The following CYYR1 variants were observed in gnomAD, a reference collection of about 807,000 sequenced individuals.
CYYR1 encodes the protein cysteine and tyrosine rich 1, also known as cysteine and tyrosine-rich protein 1.
A neutral mutation model predicts 15.2 loss-of-function variants in CYYR1; 14 were observed. That is an observed-to-expected ratio of 0.92 (90% CI 0.61 to 1.44). CYYR1 has a LOEUF of 1.44. Among genes scored for constraint, CYYR1 ranks in the 40% most tolerant of loss-of-function variants. The probability of loss-of-function intolerance (pLI) is 0.00; values close to 1 mark genes in which losing one functional copy is unlikely to be tolerated. For missense variants in CYYR1, 228 were observed against 209.5 expected (o/e 1.09, Z -0.54); for synonymous variants, 80 against 77.4 (o/e 1.03, Z -0.18).
intron 2 of CYYR1, among the ~76,000 whole-genome samples, chr21:26,515,117 A>G (rs1170650494): frequency 6.6e-6 from 1 of 152,216 alleles, no homozygotes; most frequent in Non-Finnish European, 1.5e-5. Context: ...TCTGTGTCCT[A>G]TGTGCCAACA....
At chr21:26,479,213 TAGA>T (rs1457511674) in intron 3 of CYYR1, among the ~76,000 whole-genome samples, 2 of 151,142 alleles carry the variant, frequency 1.3e-5, no homozygotes, top group Non-Finnish European at 2.9e-5. Context: ...GAAAATATTA[TAGA>T]AGAAGAACTG....
intron 2 of CYYR1, among the ~76,000 whole-genome samples, chr21:26,501,890 A>G (rs1223059437): frequency 6.6e-6 from 1 of 152,226 alleles, no homozygotes; most frequent in Non-Finnish European, 1.5e-5. Flanking sequence ...GTGTCAAAGG[A>G]TAAGTATATC....
intron 2 of CYYR1, among the ~76,000 whole-genome samples, chr21:26,540,202 A>G (rs1395259278): frequency 6.6e-6 from 1 of 152,188 alleles, no homozygotes; most frequent in African/African-American, 2.4e-5. Flanking sequence ...ACGGATCACA[A>G]CTGCAAGCTC....
intron 2 of CYYR1, among the ~76,000 whole-genome samples, chr21:26,560,878 T>C (rs1569178142): frequency 6.6e-6 from 1 of 152,194 alleles, no homozygotes; most frequent in African/African-American, 2.4e-5. Context: ...GCACCTGATG[T>C]AGATCACTAA....
chr21:26,556,542 A>G (rs1454103130), intron 2 of CYYR1, among the ~76,000 whole-genome samples: 1 of 152,174 alleles, frequency 6.6e-6, no homozygotes, highest in Non-Finnish European at 1.5e-5. Flanking sequence ...TCATGGTTCC[A>G]TAGGCTGTAC....
intron 2 of CYYR1, among the ~76,000 whole-genome samples, chr21:26,485,587 T>C (rs1331939800): frequency 6.6e-6 from 1 of 152,024 alleles, no homozygotes; most frequent in Non-Finnish European, 1.5e-5. Context: ...AGCATGTGAG[T>C]TTTGGAGATA....
chr21:26,496,007 G>T (rs559186647), intron 2 of CYYR1, among the ~76,000 whole-genome samples: 1 of 152,188 alleles, frequency 6.6e-6, no homozygotes, highest in South Asian at 2.1e-4. Flanking sequence ...AGAATTTGAG[G>T]GCCAAACCCA....
At chr21:26,561,174 C>T (rs1980169522) in intron 2 of CYYR1, among the ~76,000 whole-genome samples, 1 of 152,128 alleles carries the variant, frequency 6.6e-6, no homozygotes, top group African/African-American at 2.4e-5. Context: ...TTTATTTTAA[C>T]ATCATATTAG....
intron 1 of CYYR1, chr21:26,567,809 A>G (rs555035101): frequency 1.3e-5 from 2 of 152,366 alleles, no homozygotes; most frequent in South Asian, 2.1e-4. Flanking sequence ...TTGCTTTTAA[A>G]TCACTTCCCT....
chr21:26,556,993 T>A (rs1472939790), intron 2 of CYYR1, among the ~76,000 whole-genome samples: 2 of 152,152 alleles, frequency 1.3e-5, no homozygotes, highest in African/African-American at 4.8e-5. Context: ...TCTTCAGATC[T>A]TCAAGAGCCA....
intron 2 of CYYR1, among the ~76,000 whole-genome samples, chr21:26,553,755 T>A (rs1216188682): frequency 6.6e-6 from 1 of 152,164 alleles, no homozygotes; most frequent in African/African-American, 2.4e-5. Flanking sequence ...GTTTTCTTCA[T>A]CTTACTCAGA....
chr21:26,548,676 C>A (rs779071073), intron 2 of CYYR1, among the ~76,000 whole-genome samples: 4 of 152,116 alleles, frequency 2.6e-5, no homozygotes, highest in African/African-American at 4.8e-5. Flanking sequence ...GCAGTGTGGT[C>A]TAAGGGCCAT....
chr21:26,534,789 T>C lies in CYYR1; in HGVS notation c.176+31477A>G, dbSNP rs980405877. 3.3e-5 allele frequency among the ~76,000 whole-genome samples: 5 copies of C among 152,162 alleles called. No homozygotes were observed. The East Asian group carries it at 9.6e-4, about 29-fold the overall frequency. On this transcript the variant is annotated intron_variant, in intron 2 of 3. Coordinates refer to ENST00000652641, the MANE Select transcript of CYYR1 (RefSeq NM_001320768.2). ...TTCCTTAATCCTGCCTGCACTGTTATAAAAGATGCATTTGTTAAACTCTCT... is the reference window on the plus strand; with the variant it reads ...TTCCTTAATCCTGCCTGCACTGTTACAAAAGATGCATTTGTTAAACTCTCT...
At position 26,466,792 on chromosome 21, in the gene CYYR1, T is replaced by G. The variant is rs1281274742; in HGVS notation, c.*1709A>C. 1 of 152,144 alleles carries G rather than the reference T, an allele frequency of 6.6e-6. No individual in the cohort carries two copies. The allele number at this position is 152,144 out of a possible 1,614,324, so 9.4% of individuals were successfully genotyped here. A position where few individuals can be genotyped will look rare whatever the true frequency, so the allele number is the denominator to read the frequency against. On this transcript the variant is annotated 3_prime_UTR_variant, in exon 4 of 4. Transcript: ENST00000652641. The stretch of plus-strand genomic sequence containing the variant: ...AATTGCACTGAAAACTTTATGTAAG[T>G]CAGGGAGCCCCTCACCAGAACAGGC...
intron 2 of CYYR1, among the ~76,000 whole-genome samples, chr21:26,530,057 T>C (rs1479215406): frequency 6.6e-6 from 1 of 152,142 alleles, no homozygotes; most frequent in Non-Finnish European, 1.5e-5. Context: ...AGTAAATAAA[T>C]AAACCATTCT....
At chr21:26,486,887 A>G (rs565079527) in intron 2 of CYYR1, among the ~76,000 whole-genome samples, 54 of 152,222 alleles carry the variant, frequency 3.5e-4, no homozygotes, top group African/African-American at 1.2e-3. Flanking sequence ...TAAGGAAAAT[A>G]GCAGATATGA....
At chr21:26,553,423 C>T (rs1264815688) in intron 2 of CYYR1, among the ~76,000 whole-genome samples, 1 of 152,026 alleles carries the variant, frequency 6.6e-6, no homozygotes, top group East Asian at 1.9e-4. Flanking sequence ...TTTCTCCTTT[C>T]TTCTGGGATT....
chr21:26,480,849 A>G (rs571612630), intron 2 of CYYR1, among the ~76,000 whole-genome samples: 1 of 152,324 alleles, frequency 6.6e-6, no homozygotes, highest in South Asian at 2.1e-4. Flanking sequence ...GGTAGATGTC[A>G]GAATATTAAG....
intron 2 of CYYR1, among the ~76,000 whole-genome samples, chr21:26,486,606 T>A (rs1399848949): frequency 2.0e-5 from 3 of 151,300 alleles, no homozygotes; most frequent in African/African-American, 7.2e-5. Flanking sequence ...GTTTCTAGGT[T>A]CTAATTTAGC....
Sources: allele counts gnomAD v4.1 joint callset (sites outside exome capture counted in the v4.1 genomes callset), GRCh38; gene constraint gnomAD v4.1.1; transcripts MANE v1.5; gene names NCBI Gene and HGNC (gene_info 2026-07-23, HGNC 2026-07-21).